SDK1: variants seen among roughly 807,000 people sequenced by gnomAD.
The protein encoded by SDK1 is sidekick cell adhesion molecule 1.
SDK1 carries 157 observed loss-of-function variants against 245.5 expected under a neutral mutation model. The observed-to-expected ratio is 0.64, with a 90% CI of 0.56 to 0.73. The LOEUF (loss-of-function observed/expected upper bound fraction) is 0.73. SDK1 is among the 30% of genes least tolerant of loss of function. The pLI is 0.00. For missense variants in SDK1, 3,583 were observed against 3,002.3 expected (o/e 1.19, Z -4.52); for synonymous variants, 1,647 against 1,278.5 (o/e 1.29, Z -6.15).
chr7:3,921,854 T>G (rs965723653), intron 5 of SDK1, among the ~76,000 whole-genome samples: 5 of 151,910 alleles, frequency 3.3e-5, no homozygotes, highest in Non-Finnish European at 7.4e-5. Context: ...TGGTCCCAGC[T>G]TCTTGGGAGG....
intron 1 of SDK1, among the ~76,000 whole-genome samples, chr7:3,420,074 T>G (rs185339222): frequency 1.3e-5 from 2 of 152,210 alleles, no homozygotes; most frequent in African/African-American, 4.8e-5. Flanking sequence ...AGTGGCAAAC[T>G]GGAGAGCTTT....
At chr7:4,262,884 A>AC (rs1178369223) in intron 44 of SDK1, among the ~76,000 whole-genome samples, 104 of 920 alleles carry the variant, frequency 0.11, 15 homozygotes, top group Middle Eastern at 0.33. Context: ...CATCACCCCC[A>AC]CCCCCTCTCC....
At chr7:4,184,303 G>A (rs1782758365) in intron 35 of SDK1, among the ~76,000 whole-genome samples, 1 of 152,182 alleles carries the variant, frequency 6.6e-6, no homozygotes. Flanking sequence ...CCAAGCGTCG[G>A]CTCTACTGTT....
intron 44 of SDK1, among the ~76,000 whole-genome samples, chr7:4,251,611 C>T (rs144677834): frequency 9.8e-4 from 149 of 152,340 alleles, no homozygotes; most frequent in African/African-American, 3.4e-3. Flanking sequence ...ACCAAAACTC[C>T]AGACTCCAGA....
intron 5 of SDK1, among the ~76,000 whole-genome samples, chr7:3,849,298 C>G (rs1780361917): frequency 6.6e-6 from 1 of 152,170 alleles, no homozygotes; most frequent in South Asian, 2.1e-4. Flanking sequence ...CTTCACCACT[C>G]AGCGTTGCTG....
At chr7:4,064,446 G>T (rs1366855426) in intron 19 of SDK1, among the ~76,000 whole-genome samples, 1 of 152,126 alleles carries the variant, frequency 6.6e-6, no homozygotes, top group Non-Finnish European at 1.5e-5. Flanking sequence ...GGAGAACAGG[G>T]AACTCTAATA....
chr7:3,447,030 C>T (rs914737994), intron 1 of SDK1, among the ~76,000 whole-genome samples: 6 of 152,114 alleles, frequency 3.9e-5, no homozygotes, highest in Non-Finnish European at 8.8e-5. Flanking sequence ...CTTTAGGTTT[C>T]TATTTTTGTG....
chr7:3,452,438 T>TA (rs1780543182), intron 1 of SDK1, among the ~76,000 whole-genome samples: 1 of 152,206 alleles, frequency 6.6e-6, no homozygotes, highest in South Asian at 2.1e-4. Flanking sequence ...GAGAGCCTCT[T>TA]ACTATAAACA....
intron 1 of SDK1, among the ~76,000 whole-genome samples, chr7:3,500,623 T>C (rs1782167748): frequency 1.3e-5 from 2 of 152,194 alleles, no homozygotes. Context: ...TACAGCTAAT[T>C]GTAGATCTCA....
intron 8 of SDK1, among the ~76,000 whole-genome samples, chr7:3,961,990 A>G (rs60721538): frequency 6.6e-6 from 1 of 151,894 alleles, no homozygotes; most frequent in South Asian, 2.1e-4. Context: ...TATATGCACA[A>G]ACACACACAC....
At chr7:3,629,510 G>A (rs545889850) in intron 2 of SDK1, among the ~76,000 whole-genome samples, 34 of 152,102 alleles carry the variant, frequency 2.2e-4, no homozygotes, top group Non-Finnish European at 4.7e-4. Context: ...CGGAGTGTCT[G>A]TTCTCACCAG....
chr7:3,644,352 T>A (rs1782754468), intron 4 of SDK1, among the ~76,000 whole-genome samples: 1 of 151,804 alleles, frequency 6.6e-6, no homozygotes, highest in South Asian at 2.1e-4. Context: ...TTTATTTAAT[T>A]ACAAGTTACT....
At chr7:3,646,652 A>G (rs1782847234) in intron 4 of SDK1, among the ~76,000 whole-genome samples, 2 of 152,146 alleles carry the variant, frequency 1.3e-5, no homozygotes, top group South Asian at 4.1e-4. Context: ...TTGGCTGATA[A>G]TTTTTTATGT....
rs961128390 is a variant in SDK1, at chr7:4,266,359, G to C, written c.*975G>C. 2 of 985,306 alleles carry C rather than the reference G, an allele frequency of 2.0e-6. No individual in the cohort carries two copies. The highest frequency in any genetic ancestry group is 2.4e-6 in the Non-Finnish European group (2 of 829,940). 61.0% of individuals were successfully genotyped at this position (985,306 alleles called of 1,614,324 possible). A position where few individuals can be genotyped will look rare whatever the true frequency, so the allele number is the denominator to read the frequency against. On this transcript the variant is annotated 3_prime_UTR_variant, in exon 45 of 45. Transcript: ENST00000404826. Reference sequence around the variant, plus strand: ...ATTGTTCAGCTTTGTACATGGGAAAGATGAAAAGCAACAGTGTCTGCAAAT... The same window carrying C: ...ATTGTTCAGCTTTGTACATGGGAAACATGAAAAGCAACAGTGTCTGCAAAT...
In SDK1 at chr7:3,646,831, T is replaced by A. The variant is rs535796406; in HGVS notation, c.713+4726T>A. ...CAATCTACAATTATCTCAGATACTA[T>A]GTTTAATTAAAAATAGGTGGAAAAG... is the stretch of plus-strand genomic sequence containing the variant. On this transcript the variant is annotated intron_variant, in intron 4 of 44. Coordinates refer to ENST00000404826, the MANE Select transcript of SDK1 (RefSeq NM_152744.4). 2.2e-3 allele frequency among the ~76,000 whole-genome samples: 332 copies of A among 152,258 alleles called. 2 individuals carry two copies. The highest frequency in any genetic ancestry group is 5.4e-3 in the Admixed American group (82 of 15,294).
intron 5 of SDK1, among the ~76,000 whole-genome samples, chr7:3,867,436 C>CA (rs1272664012): frequency 6.6e-6 from 1 of 152,150 alleles, no homozygotes; most frequent in African/African-American, 2.4e-5. Context: ...ATACCCGAGA[C>CA]TGGGAAGAAA....
chr7:3,583,776 G>A (rs761717569), intron 1 of SDK1, among the ~76,000 whole-genome samples: 4 of 152,140 alleles, frequency 2.6e-5, no homozygotes, highest in Non-Finnish European at 5.9e-5. Context: ...AGGGTCCTGT[G>A]AATGCCACCG....
At chr7:4,112,708 T>C (rs1783424228) in intron 23 of SDK1, among the ~76,000 whole-genome samples, 1 of 152,138 alleles carries the variant, frequency 6.6e-6, no homozygotes, top group Admixed American at 6.5e-5. Flanking sequence ...GATGTACCTG[T>C]ACCTTTCTTT....
chr7:3,461,468 T>C lies in SDK1; in HGVS notation c.299-157612T>C, dbSNP rs150187722. ...CTAGAATTTCTTTGTACAGAAGTCA[T>C]TGTGGAGGGAAATGATGTGAAGAAA... On this transcript the variant is annotated intron_variant, in intron 1 of 44. Coordinates refer to ENST00000404826, the MANE Select transcript of SDK1 (RefSeq NM_152744.4). Among the ~76,000 whole-genome samples the C allele has an allele frequency of 5.7e-3, 873 of 152,224 alleles. 11 individuals are homozygous for C. The highest frequency in any genetic ancestry group is 0.014 in the Admixed American group (221 of 15,282).
Sources: gnomAD v4.1 joint callset for allele counts (sites outside exome capture counted in the v4.1 genomes callset) on GRCh38, gnomAD v4.1.1 for gene constraint, MANE v1.5 for transcripts, NCBI Gene and HGNC (gene_info 2026-07-23, HGNC 2026-07-21) for gene names.